Variants in WDR17 observed in about 807,000 individuals in gnomAD.
WDR17 encodes the protein WD repeat-containing protein 17.
WDR17 carries 143 observed loss-of-function variants against 161.7 expected under a neutral mutation model. The ratio of observed to expected loss-of-function variants is 0.88; its 90% confidence interval spans 0.77 to 1.02. The LOEUF (loss-of-function observed/expected upper bound fraction) is 1.02, where lower values mean the gene tolerates loss of function less well. Ranked by LOEUF, WDR17 falls within the 50% of genes least tolerant of loss-of-function variation. WDR17 has a pLI of 0.00. For synonymous variants in WDR17, 517 were observed against 515.6 expected (o/e 1.00, Z -0.04); for missense variants, 1,469 against 1,520.9 (o/e 0.97, Z 0.57).
chr4:176,132,622 A>C (rs1007101468), intron 7 of WDR17, among the ~76,000 whole-genome samples: 1 of 152,032 alleles, frequency 6.6e-6, no homozygotes, highest in African/African-American at 2.4e-5. Flanking sequence ...AAAATGATTT[A>C]TAGCAAAAAT....
At position 176,181,095 on chromosome 4, in the gene WDR17, C is replaced by T. The variant is rs1229913798; in HGVS notation, c.*1516C>T. On this transcript the variant is annotated 3_prime_UTR_variant, in exon 29 of 29. Coordinates refer to ENST00000508596, the MANE Select transcript of WDR17 (RefSeq NM_181265.4). ...ACCTTCTTAACAAAACTTCTTAAAA[C>T]TGGAAAAAATATATATTATGTATCT... 6.6e-6 allele frequency: 1 copy of T among 151,842 alleles called. No individual in the cohort carries two copies. The allele number at this position is 151,842 out of a possible 1,614,324, so 9.4% of individuals were successfully genotyped here. A position where few individuals can be genotyped will look rare whatever the true frequency, so the allele number is the denominator to read the frequency against.
chr4:176,090,567 G>C (rs1735996562), intron 1 of WDR17, among the ~76,000 whole-genome samples: 1 of 152,096 alleles, frequency 6.6e-6, no homozygotes, highest in Non-Finnish European at 1.5e-5. Flanking sequence ...TGTGAGAAAT[G>C]GTCTATTTCC....
At chr4:176,148,435 G>C (rs988725711) in intron 13 of WDR17, 100 bp downstream of exon 13, 1 of 1,019,962 alleles carries the variant, frequency 9.8e-7, no homozygotes, top group Non-Finnish European at 1.4e-6. Flanking sequence ...GTTATACAGT[G>C]TTTTATTTTA....
In WDR17 at chr4:176,177,115, G is replaced by T. The variant is rs1751559863; in HGVS notation, c.3507G>T (p.Glu1169Asp). ...SVPLKIEYLS[E>D]ELDAWRACTQ... ...CTTTAAAAATTGAATATCTTTCTGA[G>T]GAATTGGATGCATGGAGAGCTTGCA... Residue 1169 changes from glutamate to aspartate, a missense_variant, in exon 27 of 29, where the codon GAG (glutamate) becomes GAT (aspartate). By Grantham distance (45) the Glu-to-Asp change is conservative (BLOSUM62 2). Transcript: ENST00000508596. 1 of 1,613,800 alleles carries T rather than the reference G, an allele frequency of 6.2e-7. No homozygotes were observed. Among genetic ancestry groups the T allele is most frequent in the Non-Finnish European group, 8.5e-7 (1 of 1,179,864 alleles).
intron 1 of WDR17, among the ~76,000 whole-genome samples, chr4:176,072,452 T>C (rs1383118311): frequency 6.6e-6 from 1 of 152,240 alleles, no homozygotes; most frequent in Non-Finnish European, 1.5e-5. Flanking sequence ...AAGTTAATTC[T>C]GATGCGAAAT....
At chr4:176,078,923 T>G (rs1734398642) in intron 1 of WDR17, among the ~76,000 whole-genome samples, 2 of 152,070 alleles carry the variant, frequency 1.3e-5, no homozygotes, top group Admixed American at 1.3e-4. Context: ...ATATAATAAA[T>G]TATCGTTAAC....
At chr4:176,169,508 AATGT>A (rs67380662) in intron 23 of WDR17, among the ~76,000 whole-genome samples, 75,073 of 151,636 alleles carry the variant, frequency 0.5, 19,036 homozygotes, top group Admixed American at 0.61. Context: ...AATAAATGTG[AATGT>A]ATGTATTTAT....
At chr4:176,069,796 G>A (rs964735215) in intron 1 of WDR17, among the ~76,000 whole-genome samples, 7 of 151,950 alleles carry the variant, frequency 4.6e-5, no homozygotes, top group African/African-American at 1.7e-4. Flanking sequence ...CAAAGCACTC[G>A]TGTTTAACAT....
In WDR17 at chr4:176,128,827, T is replaced by G; in HGVS notation, c.880T>G (p.Leu294Val). The G allele has an allele frequency of 6.3e-7, 1 of 1,592,686 alleles. No homozygotes were observed. Among genetic ancestry groups the G allele is most frequent in the Non-Finnish European group, 8.5e-7 (1 of 1,171,858 alleles). The change falls in exon 6 of 29, where the codon TTA becomes GTA. Residue 294 changes from leucine (L) to valine (V), a missense_variant. Transcript: ENST00000508596. ...LKLKKTGFHC[L>V]HVLNSPPRKK... ...ATTAAAGAAAACAGGATTTCACTGC[T>G]TACATGTACTTAATTCTCCTCCAAG...
rs1750820419 is a variant in WDR17, at chr4:176,172,127, C to A, written c.3103-248C>A. 3.3e-5 allele frequency among the ~76,000 whole-genome samples: 5 copies of A among 152,080 alleles called. No individual in the cohort carries two copies. In the South Asian group the frequency reaches 1.0e-3, roughly 31 times the overall value. On this transcript the variant is annotated intron_variant, in intron 23 of 28. Coordinates refer to ENST00000508596, the MANE Select transcript of WDR17 (RefSeq NM_181265.4). ...CAATCAGGACAATTTACTTCTATTT[C>A]TTTTATTAGGTATTTGTGTGATGGA...
intron 13 of WDR17, among the ~76,000 whole-genome samples, chr4:176,149,467 A>C (rs749076652): frequency 2.0e-5 from 3 of 151,970 alleles, no homozygotes; most frequent in Non-Finnish European, 4.4e-5. Flanking sequence ...ATGGTATTTC[A>C]TCATGTTGCC....
intron 4 of WDR17, among the ~76,000 whole-genome samples, chr4:176,120,585 C>CCCCT: frequency 6.6e-6 from 1 of 151,792 alleles, no homozygotes; most frequent in South Asian, 2.1e-4. Context: ...ACCCTTTGAA[C>CCCCT]CCCTGTTAGT....
At chr4:176,135,900 T>A (rs1044293873) in intron 8 of WDR17, among the ~76,000 whole-genome samples, 1 of 151,618 alleles carries the variant, frequency 6.6e-6, no homozygotes, top group Non-Finnish European at 1.5e-5. Flanking sequence ...TTATTTGGCT[T>A]AATAGTAATA....
chr4:176,092,232 TA>T (rs1736218293), intron 1 of WDR17, among the ~76,000 whole-genome samples: 1 of 152,036 alleles, frequency 6.6e-6, no homozygotes, highest in African/African-American at 2.4e-5. Context: ...AACAGCATAT[TA>T]AAAAAGACCA....
Position 176,172,356 on chromosome 4 carries a change from C to G in WDR17, c.3103-19C>G, listed in dbSNP as rs1750852158. 1 of 1,597,000 alleles carries G rather than the reference C, an allele frequency of 6.3e-7. No individual in the cohort carries two copies. The highest frequency in any genetic ancestry group is 1.4e-5 in the African/African-American group (1 of 73,874). ...GTTTGAATTTTAGTAACATTGTTTT[C>G]AAATCAATTATTTTCTAGTGTAAGC... On this transcript the variant is annotated intron_variant, in intron 23 of 28. Coordinates refer to ENST00000508596, the MANE Select transcript of WDR17 (RefSeq NM_181265.4).
chr4:176,170,507 G>T (rs1199751421), intron 23 of WDR17, among the ~76,000 whole-genome samples: 4 of 151,788 alleles, frequency 2.6e-5, no homozygotes, highest in African/African-American at 9.7e-5. Flanking sequence ...TAGAGACAGG[G>T]TTTCACCATG....
rs1264695875 is a variant in WDR17 at position 176,151,813 on chromosome 4, C to G, written c.2306C>G (p.Ser769Cys). 1.9e-6 allele frequency: 3 copies of G among 1,565,744 alleles called. No individual in the cohort carries two copies. Among genetic ancestry groups the G allele is most frequent in the African/African-American group, 1.4e-5 (1 of 72,392 alleles). The change falls in exon 17 of 29, where the codon TCT becomes TGT. Residue 769 changes from serine (S) to cysteine (C), a missense_variant and splice_region_variant. Ser to Cys is a moderately radical substitution (Grantham distance 112). Transcript: ENST00000508596. ...HLKHLIKFRT[S>C]EAQELTTVKM... ...ATTCTATTTTCTTTTTAAAACCAGT[C>G]TGAAGCTCAAGAACTAACAACAGTC... is the stretch of plus-strand genomic sequence containing the variant.
intron 1 of WDR17, among the ~76,000 whole-genome samples, chr4:176,092,561 A>G (rs1341275336): frequency 6.6e-6 from 1 of 152,180 alleles, no homozygotes; most frequent in Non-Finnish European, 1.5e-5. Flanking sequence ...AAAGGGATAA[A>G]CGGCATCCAA....
At chr4:176,091,925 A>G (rs1257181423) in intron 1 of WDR17, among the ~76,000 whole-genome samples, 1 of 152,202 alleles carries the variant, frequency 6.6e-6, no homozygotes, top group Non-Finnish European at 1.5e-5. Flanking sequence ...TGAATAGACC[A>G]ATAGCAAGTA....
Sources: gnomAD v4.1 joint callset for allele counts (sites outside exome capture counted in the v4.1 genomes callset) on GRCh38, gnomAD v4.1.1 for gene constraint, MANE v1.5 for transcripts, NCBI Gene and HGNC (gene_info 2026-07-23, HGNC 2026-07-21) for gene names.